Variants in CCDC73 observed in about 807,000 individuals in gnomAD.
CCDC73 encodes the protein coiled-coil domain-containing protein 73.
Under a neutral mutation model 116.5 loss-of-function variants are expected in CCDC73, and 95 were observed. The ratio of observed to expected loss-of-function variants is 0.82; its 90% confidence interval spans 0.69 to 0.97. The LOEUF (loss-of-function observed/expected upper bound fraction) is 0.97. Among genes scored for constraint, CCDC73 ranks in the 50% least tolerant of loss-of-function variants. The pLI, the probability that CCDC73 is intolerant of heterozygous loss-of-function variation, is 0.00. For synonymous variants in CCDC73, 398 were observed against 401.3 expected (o/e 0.99, Z 0.10); for missense variants, 1,066 against 1,206.8 (o/e 0.88, Z 1.73).
At position 32,776,989 on chromosome 11, in the gene CCDC73, G is replaced by GTATATATATATA. The variant is rs71063758; in HGVS notation, c.-15-16743_-15-16732dup. On this transcript the variant is annotated intron_variant, in intron 1 of 17. Transcript: ENST00000335185. ...CACACACACATATATATATACACAT[G>GTATATATATATA]TATATATATATATATATATATATAT... 1.4e-3 allele frequency among the ~76,000 whole-genome samples: 137 copies of GTATATATATATA among 101,096 alleles called. 1 individual carries two copies. Among genetic ancestry groups the GTATATATATATA allele is most frequent in the African/African-American group, 1.9e-3 (52 of 27,000 alleles). The allele number at this position is 101,096 out of a possible 152,430, so 66.3% of individuals were successfully genotyped here.
intron 7 of CCDC73, chr11:32,683,307 G>T: frequency 2.2e-6 from 1 of 446,176 alleles, no homozygotes; most frequent in Non-Finnish European, 4.1e-6. Context: ...TTCAGATTTG[G>T]GATGCTCAAC....
the CCDC73 span, among the ~76,000 whole-genome samples, chr11:32,824,879 T>C: frequency 6.6e-6 from 1 of 152,194 alleles, no homozygotes; most frequent in South Asian, 2.1e-4. Flanking sequence ...AACCCAGGAA[T>C]TCCAGACCAG....
At chr11:32,660,296 G>A (rs1855911458) in intron 9 of CCDC73, among the ~76,000 whole-genome samples, 1 of 138,654 alleles carries the variant, frequency 7.2e-6, no homozygotes, top group Non-Finnish European at 1.5e-5. Context: ...CACGCCCTGA[G>A]AAGTTTTAGC....
At chr11:32,726,977 G>A (rs1395179930) in intron 2 of CCDC73, among the ~76,000 whole-genome samples, 1 of 152,070 alleles carries the variant, frequency 6.6e-6, no homozygotes, top group Non-Finnish European at 1.5e-5. Flanking sequence ...TCCTGTCCAG[G>A]TTACCACATT....
chr11:32,637,649 T>A (rs1855694673), intron 13 of CCDC73, among the ~76,000 whole-genome samples: 1 of 150,054 alleles, frequency 6.7e-6, no homozygotes, highest in Non-Finnish European at 1.5e-5. Context: ...CTCTCTCTCT[T>A]ACACACACAC....
At position 32,665,990 on chromosome 11, in the gene CCDC73, C is replaced by T. The variant is rs141524916; in HGVS notation, c.645+9575G>A. ...TTAAGAATGTTGAATATATGGCCCA[C>T]ACTCTCTTCTGGCTTGTAGTGTTTC... On this transcript the variant is annotated intron_variant, in intron 9 of 17. Coordinates refer to ENST00000335185, the MANE Select transcript of CCDC73 (RefSeq NM_001008391.4). Among the ~76,000 whole-genome samples the T allele has an allele frequency of 7.1e-3, 1,080 of 152,318 alleles. 15 individuals carry two copies. The highest frequency in any genetic ancestry group is 0.025 in the African/African-American group (1,042 of 41,562).
intron 6 of CCDC73, among the ~76,000 whole-genome samples, chr11:32,697,411 G>A (rs1856321241): frequency 6.7e-6 from 1 of 149,824 alleles, no homozygotes; most frequent in African/African-American, 2.5e-5. Context: ...TTTATGGCTG[G>A]TTTTATTCTT....
chr11:32,630,299 AGCCTGCT>A (rs977483091), intron 14 of CCDC73, among the ~76,000 whole-genome samples: 3 of 152,198 alleles, frequency 2.0e-5, no homozygotes, highest in African/African-American at 4.8e-5. Flanking sequence ...GGCCAAATGC[AGCCTGCT>A]GCCTGTTTTT....
chr11:32,793,380 G>A (rs1850693447), intron 1 of CCDC73, among the ~76,000 whole-genome samples: 1 of 152,012 alleles, frequency 6.6e-6, no homozygotes, highest in South Asian at 2.1e-4. Context: ...TTTTCTTCAA[G>A]GTATAAAACA....
At chr11:32,687,752 T>C (rs1311884960) in intron 6 of CCDC73, among the ~76,000 whole-genome samples, 9 of 152,114 alleles carry the variant, frequency 5.9e-5, no homozygotes, top group Admixed American at 5.9e-4. Context: ...ATAATTGCAA[T>C]AGCACTCAGA....
chr11:32,658,020 CT>C (rs1188251203), intron 9 of CCDC73, among the ~76,000 whole-genome samples: 2 of 107,142 alleles, frequency 1.9e-5, no homozygotes, highest in Non-Finnish European at 3.9e-5. Flanking sequence ...ACCCTAGTCT[CT>C]TTAAAAAAAA....
At chr11:32,806,344 G>A in the CCDC73 span, among the ~76,000 whole-genome samples, 1 of 152,200 alleles carries the variant, frequency 6.6e-6, no homozygotes, top group South Asian at 2.1e-4. Context: ...TCACTGCCCA[G>A]GCATGGTAGC....
intron 14 of CCDC73, among the ~76,000 whole-genome samples, chr11:32,618,729 TTTAGTAGAGATGGGG>T (rs1294729986): frequency 1.3e-5 from 2 of 152,056 alleles, no homozygotes; most frequent in Admixed American, 1.3e-4. Context: ...ATTTTTTACT[TTTAGTAGAGATGGGG>T]TTTTGCTATG....
At chr11:32,828,303 G>A in the CCDC73 span, among the ~76,000 whole-genome samples, 380 of 152,202 alleles carry the variant, frequency 2.5e-3, 1 homozygote, top group African/African-American at 8.9e-3. Context: ...GAGGTCAGGA[G>A]TTTGAGAACA....
rs756566586 is a variant in CCDC73 at position 32,613,883 on chromosome 11, TGATTC to T, written c.2430_2434del (p.Asn811AspfsTer2). ...TTCAGTTACCTGATTCTCATCAATCTGATTCTTTTTATTGGAAAACTCTGTTTCTG... is the reference window on the plus strand; with the variant it reads ...TTCAGTTACCTGATTCTCATCAATCTTTTTTATTGGAAAACTCTGTTTCTG... On this transcript the variant is annotated frameshift_variant, in exon 16 of 18. Transcript: ENST00000335185. LOFTEE classifies it high-confidence loss of function. 1 of 1,613,408 alleles carries T rather than the reference TGATTC, an allele frequency of 6.2e-7. No individual in the cohort carries two copies. Among genetic ancestry groups the T allele is most frequent in the South Asian group, 1.1e-5 (1 of 91,080 alleles).
chr11:32,663,920 T>C (rs1204533606), intron 9 of CCDC73, among the ~76,000 whole-genome samples: 1 of 152,216 alleles, frequency 6.6e-6, no homozygotes, highest in South Asian at 2.1e-4. Context: ...AGGCCTTTTG[T>C]GCATCTATTG....
At position 32,700,820 on chromosome 11, in the gene CCDC73, T is replaced by C; in HGVS notation, c.286A>G (p.Met96Val). ...AMAVFKKQLQ[M>V]KMCALEEEKG... Reference sequence around the variant, plus strand: ...TCTTCTTCCAGGGCACACATCTTCATCTGCAACTGATAAACAATTTTAAAA... The same window carrying C: ...TCTTCTTCCAGGGCACACATCTTCACCTGCAACTGATAAACAATTTTAAAA... The change falls in exon 5 of 18, where the codon ATG (methionine) becomes GTG (valine). Residue 96 changes from methionine (M) to valine (V), a missense_variant. Transcript: ENST00000335185. 1.4e-6 allele frequency: 2 copies of C among 1,445,502 alleles called. No individual in the cohort carries two copies. The highest frequency in any genetic ancestry group is 1.9e-6 in the Non-Finnish European group (2 of 1,068,500). 89.5% of individuals were successfully genotyped at this position (1,445,502 alleles called of 1,614,324 possible).
At chr11:32,655,073 A>ACTGGTCCAT in intron 9 of CCDC73, 101 bp from the exon 10 acceptor site, 1 of 148,674 alleles carries the variant, frequency 6.7e-6, no homozygotes. Flanking sequence ...GCCTATAATT[A>ACTGGTCCAT]TAATTTGTTA....
chr11:32,640,036 C>A (rs1216286330), intron 13 of CCDC73, among the ~76,000 whole-genome samples: 1 of 151,842 alleles, frequency 6.6e-6, no homozygotes, highest in Non-Finnish European at 1.5e-5. Context: ...GTTTTTTTAA[C>A]CTATCTTGAT....
Sources: allele counts gnomAD v4.1 joint callset (sites outside exome capture counted in the v4.1 genomes callset), GRCh38; gene constraint gnomAD v4.1.1; transcripts MANE v1.5; gene names NCBI Gene and HGNC (gene_info 2026-07-23, HGNC 2026-07-21).